The following FRAS1 variants were observed in gnomAD, a reference collection of about 807,000 sequenced individuals.
FRAS1 encodes the protein Fraser extracellular matrix complex subunit 1, also known as extracellular matrix organizing protein FRAS1.
A neutral mutation model predicts 435.2 loss-of-function variants in FRAS1; 290 were observed. That is an observed-to-expected ratio of 0.67 (90% CI 0.61 to 0.73). The LOEUF (loss-of-function observed/expected upper bound fraction) is 0.73, where lower values mean the gene tolerates loss of function less well. Ranked by LOEUF, FRAS1 falls within the 30% of genes least tolerant of loss-of-function variation. The pLI is 0.00. For synonymous variants in FRAS1, 1,800 were observed against 1,851.0 expected (o/e 0.97, Z 0.71); for missense variants, 4,860 against 5,001.5 (o/e 0.97, Z 0.85).
In FRAS1 at chr4:78,364,026, C is replaced by T. The variant is rs371589538; in HGVS notation, c.2694C>T (p.His898=). Residue 898 remains histidine, a synonymous_variant, in exon 22 of 74, where the codon CAC becomes CAT. Coordinates refer to ENST00000512123, the MANE Select transcript of FRAS1 (RefSeq NM_025074.7). The part of the protein sequence containing the change: ...GTCSTTCFPG[H]YLDDNHVCQP... ...GCAGCACCACCTGCTTCCCTGGGCA[C>T]TATCTTGATGACAATCATGTTTGCC... is the stretch of plus-strand genomic sequence containing the variant. 34 of 1,598,446 alleles carry T rather than the reference C, an allele frequency of 2.1e-5. No individual in the cohort carries two copies. The highest frequency in any genetic ancestry group is 2.8e-5 in the Non-Finnish European group (33 of 1,172,174).
chr4:78,384,195 A>G lies in FRAS1; in HGVS notation c.3648+52A>G, dbSNP rs571942778. ...AATTTTACATGACTACTAGTTCTCA[A>G]GCACGAAATCTAGGTTTCCTGTGGA... On this transcript the variant is annotated intron_variant, in intron 28 of 73. Coordinates refer to ENST00000512123, the MANE Select transcript of FRAS1 (RefSeq NM_025074.7). 1.8e-5 allele frequency: 22 copies of G among 1,211,900 alleles called. No individual in the cohort carries two copies. The South Asian group carries it at 3.1e-4, about 17-fold the overall frequency. The allele number at this position is 1,211,900 out of a possible 1,614,324, so 75.1% of individuals were successfully genotyped here.
At chr4:78,126,279 T>G (rs1222475304) in intron 2 of FRAS1, among the ~76,000 whole-genome samples, 1 of 151,762 alleles carries the variant, frequency 6.6e-6, no homozygotes, top group Non-Finnish European at 1.5e-5. Flanking sequence ...TGGGCAGGAG[T>G]GTACCTCTCC....
At chr4:78,376,847 C>T (rs1257234194) in intron 26 of FRAS1, among the ~76,000 whole-genome samples, 2 of 151,990 alleles carry the variant, frequency 1.3e-5, no homozygotes, top group African/African-American at 4.8e-5. Context: ...AAAAATTAGC[C>T]AGGCACAGTA....
At chr4:78,305,066 T>C (rs1422636243) in intron 14 of FRAS1, among the ~76,000 whole-genome samples, 3 of 152,216 alleles carry the variant, frequency 2.0e-5, no homozygotes, top group Non-Finnish European at 4.4e-5. Flanking sequence ...GTTATGTCTT[T>C]GTTCTCATTG....
chr4:78,101,020 T>C (rs1206353670), intron 2 of FRAS1, among the ~76,000 whole-genome samples: 1 of 152,146 alleles, frequency 6.6e-6, no homozygotes, highest in Non-Finnish European at 1.5e-5. Flanking sequence ...TGGGGTGGGA[T>C]GGTATGGAAA....
Position 78,515,875 on chromosome 4 carries a change from C to A in FRAS1, c.10251C>A (p.Asp3417Glu). 3 of 1,614,020 alleles carry A rather than the reference C, an allele frequency of 1.9e-6. No individual in the cohort carries two copies. Among genetic ancestry groups the A allele is most frequent in the Non-Finnish European group, 2.5e-6 (3 of 1,179,890 alleles). The change falls in exon 66 of 74, where the codon GAC becomes GAA. Residue 3417 changes from aspartate (D) to glutamate (E), a missense_variant. Coordinates refer to ENST00000512123, the MANE Select transcript of FRAS1 (RefSeq NM_025074.7). ...GCTACGATCGCCCCTTCCAGTTTGA[C>A]CCCAGCGTGCGAGAGCCGAAGACCA... is the stretch of plus-strand genomic sequence containing the variant. ...GPGYDRPFQF[D>E]PSVREPKTIQ...
At chr4:78,247,800 C>T (rs914893049) in intron 4 of FRAS1, among the ~76,000 whole-genome samples, 1 of 152,124 alleles carries the variant, frequency 6.6e-6, no homozygotes, top group Non-Finnish European at 1.5e-5. Context: ...AATGGAGACT[C>T]CCAGTAGCTA....
intron 2 of FRAS1, among the ~76,000 whole-genome samples, chr4:78,175,509 A>G (rs1213865820): frequency 1.3e-5 from 2 of 152,142 alleles, no homozygotes; most frequent in African/African-American, 2.4e-5. Flanking sequence ...TGATTTGAGG[A>G]GAGTTCAATA....
intron 29 of FRAS1, among the ~76,000 whole-genome samples, chr4:78,390,716 T>C (rs966055367): frequency 2.6e-5 from 4 of 152,238 alleles, no homozygotes; most frequent in Non-Finnish European, 5.9e-5. Context: ...TCAACTCTTA[T>C]GGCTTCTTGT....
rs771251344 is a variant in FRAS1, at chr4:78,446,880, G to T, written c.6010G>T (p.Gly2004Cys). ...IFVLTKKPDH[G>C]HVLWRQTASE... ...TGTATTGACAAAAAAGCCTGACCAC[G>T]GTAGGGCACGAACTGCTATGAAAAG... Residue 2004 changes from glycine (G) to cysteine (C), a missense_variant and splice_region_variant, in exon 43 of 74, where the codon GGT (glycine) becomes TGT (cysteine). Gly to Cys is a radical substitution (Grantham distance 159, BLOSUM62 -3). Transcript: ENST00000512123. 6.2e-7 allele frequency: 1 copy of T among 1,604,228 alleles called. No homozygotes were observed. Among genetic ancestry groups the T allele is most frequent in the East Asian group, 2.2e-5 (1 of 44,566 alleles).
intron 1 of FRAS1, among the ~76,000 whole-genome samples, chr4:78,064,784 T>C (rs1739920222): frequency 6.6e-6 from 1 of 152,024 alleles, no homozygotes; most frequent in Non-Finnish European, 1.5e-5. Context: ...TTAATATTAT[T>C]GGGACTTCAT....
At chr4:78,482,655 TG>T in intron 58 of FRAS1, 120 bp downstream of exon 58, 1 of 1,039,908 alleles carries the variant, frequency 9.6e-7, no homozygotes, top group Admixed American at 2.4e-5. Context: ...TGTGTGTAGA[TG>T]TGTATACGTG....
In FRAS1 at chr4:78,473,602, A is replaced by G; in HGVS notation, c.7682+5A>G. 6.3e-7 allele frequency: 1 copy of G among 1,575,916 alleles called. No individual in the cohort carries two copies. The highest frequency in any genetic ancestry group is 8.6e-7 in the Non-Finnish European group (1 of 1,158,406). On this transcript the variant is annotated splice_donor_5th_base_variant and intron_variant, in intron 53 of 73. Transcript: ENST00000512123. ...CATCAGCTTTAAATATACCAGGTAC[A>G]AGTTTTACTGTGCTTTCCTTCTTGA...
chr4:78,323,428 A>G (rs768319833), intron 18 of FRAS1, among the ~76,000 whole-genome samples: 11 of 152,238 alleles, frequency 7.2e-5, no homozygotes, highest in Non-Finnish European at 1.5e-4. Flanking sequence ...CCCAAACCCA[A>G]GAAATACACA....
At chr4:78,114,603 G>C (rs886846116) in intron 2 of FRAS1, among the ~76,000 whole-genome samples, 39 of 151,980 alleles carry the variant, frequency 2.6e-4, no homozygotes, top group African/African-American at 8.9e-4. Context: ...GTGAATGGGG[G>C]TTCACTCATG....
At chr4:78,533,319 C>T (rs1157601078) in intron 70 of FRAS1, among the ~76,000 whole-genome samples, 4 of 152,158 alleles carry the variant, frequency 2.6e-5, no homozygotes, top group Non-Finnish European at 1.5e-5. Context: ...AATATATGCT[C>T]AGTGAATATT....
intron 2 of FRAS1, among the ~76,000 whole-genome samples, chr4:78,111,537 G>T (rs1742693639): frequency 1.3e-5 from 1 of 77,688 alleles, no homozygotes; most frequent in Non-Finnish European, 2.5e-5. Flanking sequence ...TCACTCATAG[G>T]TGGGAATTGA....
At chr4:78,147,724 T>G (rs1296591624) in intron 2 of FRAS1, among the ~76,000 whole-genome samples, 1 of 152,144 alleles carries the variant, frequency 6.6e-6, no homozygotes, top group African/African-American at 2.4e-5. Context: ...GCAAGGATTG[T>G]GTGGAATGGG....
chr4:78,362,349 A>T (rs1731102108), intron 20 of FRAS1, among the ~76,000 whole-genome samples: 1 of 152,240 alleles, frequency 6.6e-6, no homozygotes, highest in South Asian at 2.1e-4. Context: ...CTGTTGATGC[A>T]GGATTTTTCT....
Sources: gnomAD v4.1 joint callset for allele counts (sites outside exome capture counted in the v4.1 genomes callset) on GRCh38, gnomAD v4.1.1 for gene constraint, MANE v1.5 for transcripts, NCBI Gene and HGNC (gene_info 2026-07-23, HGNC 2026-07-21) for gene names.